The following SCN1A variants were observed in gnomAD, a reference collection of about 807,000 sequenced individuals.
SCN1A encodes sodium channel protein type 1 subunit alpha.
SCN1A carries 13 observed loss-of-function variants against 193.7 expected under a neutral mutation model. The ratio of observed to expected loss-of-function variants is 0.07; its 90% confidence interval spans 0.04 to 0.11. The LOEUF (loss-of-function observed/expected upper bound fraction) is 0.11, where lower values mean the gene tolerates loss of function less well. Ranked by LOEUF, SCN1A falls within the 10% of genes least tolerant of loss-of-function variation. The probability of loss-of-function intolerance (pLI) is 1.00; values close to 1 mark genes in which losing one functional copy is unlikely to be tolerated. For missense variants in SCN1A, 1,432 were observed against 2,451.1 expected (o/e 0.58, Z 8.78); for synonymous variants, 781 against 843.6 (o/e 0.93, Z 1.29).
In SCN1A at chr2:166,002,238, G is replaced by T. The variant is rs192990299; in HGVS notation, c.4284+234C>A. ...CAATATAGAAACAAAGAAAATACAA[G>T]AAAAAAGACAAAGAGGTCTTTGTTT... On this transcript the variant is annotated intron_variant, in intron 24 of 28. Transcript: ENST00000674923. Among the ~76,000 whole-genome samples, 30 of 151,512 alleles carry T rather than the reference G, an allele frequency of 2.0e-4. No individual in the cohort carries two copies. The East Asian group carries it at 5.5e-3, about 28-fold the overall frequency.
At chr2:166,149,039 A>T (rs1692431196) in intron 1 of SCN1A, 1 of 152,216 alleles carries the variant, frequency 6.6e-6, no homozygotes. Flanking sequence ...ACATGCAAAA[A>T]TATTTACCCC....
intron 1 of SCN1A, among the ~76,000 whole-genome samples, chr2:166,140,556 C>G (rs953056056): frequency 6.6e-6 from 1 of 152,158 alleles, no homozygotes; most frequent in African/African-American, 2.4e-5. Context: ...TATGTTTGGA[C>G]GTACTCTCAC....
intron 26 of SCN1A, among the ~76,000 whole-genome samples, 162 bp downstream of exon 26, chr2:165,997,876 C>T (rs895202929): frequency 5.3e-5 from 8 of 150,836 alleles, no homozygotes; most frequent in Non-Finnish European, 1.0e-4. Flanking sequence ...TTTCTATAGC[C>T]GGAAATATAT....
At chr2:166,137,343 G>A (rs916732452) in intron 1 of SCN1A, among the ~76,000 whole-genome samples, 2 of 152,138 alleles carry the variant, frequency 1.3e-5, no homozygotes, top group Non-Finnish European at 2.9e-5. Context: ...CTAGTATATG[G>A]TAGTGTATGA....
intron 2 of SCN1A, among the ~76,000 whole-genome samples, chr2:166,098,251 A>C (rs530920500): frequency 1.3e-5 from 2 of 152,336 alleles, no homozygotes; most frequent in East Asian, 1.9e-4. Flanking sequence ...TCACATAAAC[A>C]GAACTAAAAA....
chr2:166,141,320 T>A (rs55950735), intron 1 of SCN1A, among the ~76,000 whole-genome samples: 122,213 of 151,384 alleles, frequency 0.81, 49,940 homozygotes, highest in African/African-American at 0.94. Context: ...TTTTTTTTTT[T>A]ATCTTCTTTA....
intron 19 of SCN1A, among the ~76,000 whole-genome samples, chr2:166,027,485 G>A (rs1264874091): frequency 6.6e-6 from 1 of 151,822 alleles, no homozygotes; most frequent in African/African-American, 2.4e-5. Flanking sequence ...TTTAGTAGGA[G>A]TTCAAATTAT....
chr2:166,070,258 AT>A (rs1381434173), intron 4 of SCN1A, among the ~76,000 whole-genome samples: 1 of 152,196 alleles, frequency 6.6e-6, no homozygotes, highest in African/African-American at 2.4e-5. Flanking sequence ...GTTTTTAAGG[AT>A]TTCAGCCCTG....
chr2:166,041,500 C>T, intron 15 of SCN1A, 31 bp from the exon 16 acceptor site: 1 of 1,297,574 alleles, frequency 7.7e-7, no homozygotes, highest in Non-Finnish European at 1.1e-6. Context: ...AAAAGAACCA[C>T]CAAAAGGTAT....
At chr2:166,048,357 C>A (rs1698098711) in intron 10 of SCN1A, among the ~76,000 whole-genome samples, 1 of 152,066 alleles carries the variant, frequency 6.6e-6, no homozygotes, top group Non-Finnish European at 1.5e-5. Flanking sequence ...CTCTTCCCAC[C>A]TTGCACACTC....
intron 11 of SCN1A, 80 bp from the exon 12 acceptor site, chr2:166,047,056 C>A: frequency 6.8e-7 from 1 of 1,469,356 alleles, no homozygotes; most frequent in South Asian, 1.2e-5. Context: ...ACTCATGTGT[C>A]TAGCAAAACT....
In SCN1A at chr2:166,045,030, A is replaced by G; in HGVS notation, c.1662+13T>C. ...TTTTCAACCATGCATCAGTAAACTC[A>G]GCAGTGCCATACCTGGTGTGGGGAG... On this transcript the variant is annotated intron_variant, in intron 13 of 28. Coordinates refer to ENST00000674923, the MANE Select transcript of SCN1A (RefSeq NM_001165963.4). 6.2e-7 allele frequency: 1 copy of G among 1,613,936 alleles called. No individual in the cohort carries two copies. Among genetic ancestry groups the G allele is most frequent in the Non-Finnish European group, 8.5e-7 (1 of 1,179,806 alleles).
chr2:166,063,512 C>T (rs1683535101), intron 4 of SCN1A, among the ~76,000 whole-genome samples: 1 of 152,006 alleles, frequency 6.6e-6, no homozygotes, highest in Admixed American at 6.6e-5. Context: ...ATGCCCTGTG[C>T]TACATTCTAA....
At chr2:166,126,692 G>T (rs1415511166) in intron 2 of SCN1A, among the ~76,000 whole-genome samples, 1 of 152,188 alleles carries the variant, frequency 6.6e-6, no homozygotes, top group African/African-American at 2.4e-5. Flanking sequence ...AGGTGTGATA[G>T]CAACAGCAAT....
intron 15 of SCN1A, among the ~76,000 whole-genome samples, chr2:166,041,772 G>A (rs1407371857): frequency 6.6e-6 from 1 of 152,196 alleles, no homozygotes; most frequent in Non-Finnish European, 1.5e-5. Context: ...TGGGAACATG[G>A]TTTAGGGTGG....
chr2:166,001,288 C>G (rs528971397), intron 24 of SCN1A, among the ~76,000 whole-genome samples: 1 of 151,608 alleles, frequency 6.6e-6, no homozygotes, highest in Non-Finnish European at 1.5e-5. Flanking sequence ...ATGCCCCACC[C>G]GTTCTTACCA....
At position 165,994,492 on chromosome 2, in the gene SCN1A, A is replaced by G. The variant is rs1409976509; in HGVS notation, c.4582-76T>C. The G allele has an allele frequency of 2.1e-6, 3 of 1,397,088 alleles. No individual in the cohort carries two copies. The African/African-American group carries it at 4.3e-5, about 20-fold the overall frequency. The allele number at this position is 1,397,088 out of a possible 1,614,324, so 86.5% of individuals were successfully genotyped here. A position where few individuals can be genotyped will look rare whatever the true frequency, so the allele number is the denominator to read the frequency against. ...ATTAGCATTAAGTACTTTCTGCATT[A>G]ATTGACTTTCTAGTTTCTTGCAAAG... is the stretch of plus-strand genomic sequence containing the variant. On this transcript the variant is annotated intron_variant, in intron 27 of 28. Coordinates refer to ENST00000674923, the MANE Select transcript of SCN1A (RefSeq NM_001165963.4).
intron 26 of SCN1A, among the ~76,000 whole-genome samples, chr2:165,996,544 T>C (rs552878): frequency 0.23 from 35,165 of 151,266 alleles, 4,612 homozygotes; most frequent in Middle Eastern, 0.41. Flanking sequence ...AGTTTGGAGT[T>C]ACTCATTAAA....
At chr2:166,097,726 T>A (rs1687551687) in intron 2 of SCN1A, among the ~76,000 whole-genome samples, 1 of 152,144 alleles carries the variant, frequency 6.6e-6, no homozygotes, top group Non-Finnish European at 1.5e-5. Context: ...AGTACAGATG[T>A]GTATCACCTG....
Sources: gnomAD v4.1 joint callset for allele counts (sites outside exome capture counted in the v4.1 genomes callset) on GRCh38, gnomAD v4.1.1 for gene constraint, MANE v1.5 for transcripts, NCBI Gene and HGNC (gene_info 2026-07-23, HGNC 2026-07-21) for gene names.